GLIS3: variants seen among roughly 807,000 people sequenced by gnomAD.
The protein encoded by GLIS3 is GLIS family zinc finger 3, also known as zinc finger protein GLIS3.
Under a neutral mutation model 78.6 loss-of-function variants are expected in GLIS3, and 53 were observed. The observed-to-expected ratio is 0.67, with a 90% CI of 0.54 to 0.85. GLIS3 has a LOEUF of 0.85. Ranked by LOEUF, GLIS3 falls within the 40% of genes least tolerant of loss-of-function variation. The pLI, the probability that GLIS3 is intolerant of heterozygous loss-of-function variation, is 0.00. For synonymous variants in GLIS3, 684 were observed against 509.9 expected (o/e 1.34, Z -4.60); for missense variants, 1,703 against 1,231.1 (o/e 1.38, Z -5.74).
At chr9:4,310,041 A>G (rs1199119260) in intron 3 of GLIS3, among the ~76,000 whole-genome samples, 1 of 152,228 alleles carries the variant, frequency 6.6e-6, no homozygotes, top group Non-Finnish European at 1.5e-5. Context: ...AACTATGACC[A>G]ATTTATCCTG....
chr9:4,168,478 A>G (rs1220861320), intron 2 of GLIS3, among the ~76,000 whole-genome samples: 1 of 152,206 alleles, frequency 6.6e-6, no homozygotes, highest in East Asian at 1.9e-4. Flanking sequence ...TCACTAAATG[A>G]ACGTCACTAT....
intron 6 of GLIS3, among the ~76,000 whole-genome samples, chr9:3,916,783 A>G (rs1824541906): frequency 6.6e-6 from 1 of 152,178 alleles, no homozygotes; most frequent in African/African-American, 2.4e-5. Context: ...TTAATAAAAT[A>G]TTTTAAATGA....
Position 3,986,441 on chromosome 9 carries a change from T to C in GLIS3, c.1711-49252A>G, listed in dbSNP as rs143768816. On this transcript the variant is annotated intron_variant, in intron 4 of 10. Transcript: ENST00000381971. ...CCCCCACTGTGATCTCTCAAGCAGA[T>C]TTATGAAAACTGTGTACAATTAGGA... 4.2e-3 allele frequency among the ~76,000 whole-genome samples: 642 copies of C among 152,342 alleles called. 4 individuals are homozygous for C. The highest frequency in any genetic ancestry group is 4.3e-3 in the Non-Finnish European group (294 of 68,016).
At chr9:4,248,580 T>G (rs944906081) in intron 2 of GLIS3, among the ~76,000 whole-genome samples, 4 of 152,240 alleles carry the variant, frequency 2.6e-5, no homozygotes, top group African/African-American at 9.6e-5. Flanking sequence ...AGTAGAATGA[T>G]TTATAATCCT....
chr9:4,367,372 C>G, the GLIS3 span, among the ~76,000 whole-genome samples: 5 of 152,226 alleles, frequency 3.3e-5, no homozygotes, highest in Middle Eastern at 3.4e-3. Flanking sequence ...TCTTACATAT[C>G]CTTTAGGATT....
rs377290863 is a variant in GLIS3 at position 3,936,999 on chromosome 9, G to A, written c.1872+29C>T. Reference sequence around the variant, plus strand: ...ACTTCCTCACACCAGGCGCTGGGTTGGAAACTGGAAAGCTCCTGCCATTCT... The same window carrying A: ...ACTTCCTCACACCAGGCGCTGGGTTAGAAACTGGAAAGCTCCTGCCATTCT... On this transcript the variant is annotated intron_variant, in intron 5 of 10. Coordinates refer to ENST00000381971, the MANE Select transcript of GLIS3 (RefSeq NM_001042413.2). 7.8e-5 allele frequency: 126 copies of A among 1,611,968 alleles called. No individual in the cohort carries two copies. The African/African-American group carries it at 1.5e-3, about 20-fold the overall frequency.
At chr9:3,837,762 A>G (rs1376984208) in intron 9 of GLIS3, among the ~76,000 whole-genome samples, 2 of 152,234 alleles carry the variant, frequency 1.3e-5, no homozygotes, top group Admixed American at 6.5e-5. Context: ...TGGTTTCCAC[A>G]GGTTGGGGGG....
chr9:3,995,432 C>A (rs1245650180), intron 4 of GLIS3, among the ~76,000 whole-genome samples: 2 of 152,010 alleles, frequency 1.3e-5, no homozygotes, highest in East Asian at 1.9e-4. Context: ...ATACTAAAAA[C>A]TACTACCGTG....
intron 4 of GLIS3, among the ~76,000 whole-genome samples, chr9:3,993,168 G>C (rs1018386215): frequency 3.3e-5 from 5 of 152,120 alleles, no homozygotes; most frequent in Admixed American, 1.3e-4. Flanking sequence ...TCATGAACTG[G>C]CCTGAAAATA....
At chr9:4,277,059 A>G (rs541633725) in intron 2 of GLIS3, among the ~76,000 whole-genome samples, 1 of 152,264 alleles carries the variant, frequency 6.6e-6, no homozygotes, top group African/African-American at 2.4e-5. Context: ...TTTTGCCCCA[A>G]CCTTCTTTAG....
chr9:4,094,383 T>C (rs1829776809), intron 4 of GLIS3, among the ~76,000 whole-genome samples: 1 of 152,208 alleles, frequency 6.6e-6, no homozygotes, highest in Non-Finnish European at 1.5e-5. Context: ...CAACATTTCC[T>C]CTGTTTTAAT....
chr9:3,857,485 G>C (rs1432458439), intron 8 of GLIS3, among the ~76,000 whole-genome samples: 1 of 152,174 alleles, frequency 6.6e-6, no homozygotes, highest in Admixed American at 6.5e-5. Flanking sequence ...GAAAGCATGG[G>C]ACAAAAATCT....
chr9:4,343,693 G>A (rs554650199), intron 2 of GLIS3, among the ~76,000 whole-genome samples: 4 of 152,154 alleles, frequency 2.6e-5, no homozygotes, highest in Non-Finnish European at 5.9e-5. Flanking sequence ...ACCGGATAAA[G>A]AAAATGCGGT....
the GLIS3 span, among the ~76,000 whole-genome samples, chr9:4,462,510 A>T: frequency 0.028 from 4,256 of 151,946 alleles, 182 homozygotes; most frequent in African/African-American, 0.096. Context: ...TAATCCCAGC[A>T]CTTTGGGAGG....
At chr9:3,896,916 G>C (rs1822885504) in intron 7 of GLIS3, among the ~76,000 whole-genome samples, 1 of 152,066 alleles carries the variant, frequency 6.6e-6, no homozygotes, top group South Asian at 2.1e-4. Flanking sequence ...AAATCTTTTT[G>C]AGGACCGAAT....
At chr9:4,466,814 A>G in the GLIS3 span, among the ~76,000 whole-genome samples, 1 of 152,192 alleles carries the variant, frequency 6.6e-6, no homozygotes, top group Admixed American at 6.5e-5. Context: ...ACGGAGTGTG[A>G]GCTGAAGCAG....
At chr9:4,358,513 T>A in the GLIS3 span, among the ~76,000 whole-genome samples, 1 of 152,212 alleles carries the variant, frequency 6.6e-6, no homozygotes, top group Non-Finnish European at 1.5e-5. Context: ...ACAAGCATTT[T>A]TGTGTACCTA....
intron 4 of GLIS3, among the ~76,000 whole-genome samples, chr9:3,951,295 T>C (rs1011110818): frequency 2.0e-5 from 3 of 152,130 alleles, no homozygotes; most frequent in Non-Finnish European, 2.9e-5. Flanking sequence ...GTAAAGCAAC[T>C]TAAGAACATA....
At chr9:3,884,288 T>C (rs1180680300) in intron 7 of GLIS3, among the ~76,000 whole-genome samples, 1 of 152,174 alleles carries the variant, frequency 6.6e-6, no homozygotes, top group Non-Finnish European at 1.5e-5. Flanking sequence ...CAAATAAAGA[T>C]TACTTGTCTC....
Sources: gnomAD v4.1 joint callset for allele counts (sites outside exome capture counted in the v4.1 genomes callset) on GRCh38, gnomAD v4.1.1 for gene constraint, MANE v1.5 for transcripts, NCBI Gene and HGNC (gene_info 2026-07-23, HGNC 2026-07-21) for gene names.